The following LRP1B variants were observed in gnomAD, a reference collection of about 807,000 sequenced individuals.
LRP1B encodes low-density lipoprotein receptor-related protein 1B.
A neutral mutation model predicts 556.6 loss-of-function variants in LRP1B; 217 were observed. The observed-to-expected ratio is 0.39, with a 90% confidence interval of 0.35 to 0.44. LRP1B has a LOEUF of 0.44. LRP1B is among the 20% of genes least tolerant of loss of function. LRP1B has a pLI of 1.00. For missense variants in LRP1B, 5,053 were observed against 5,620.8 expected, an observed-to-expected ratio of 0.90 and a Z score of 3.23; for synonymous variants, 2,047 against 1,865.8, an observed-to-expected ratio of 1.10 and a Z score of -2.50.
intron 2 of LRP1B, among the ~76,000 whole-genome samples, chr2:141,573,457 A>T (rs1686609174): frequency 6.6e-6 from 1 of 152,176 alleles, no homozygotes; most frequent in Non-Finnish European, 1.5e-5. Flanking sequence ...GTTAGGAGGG[A>T]AATTTATAGC....
chr2:141,997,469 A>T (rs1323966694), intron 1 of LRP1B, among the ~76,000 whole-genome samples: 1 of 139,394 alleles, frequency 7.2e-6, no homozygotes, highest in Non-Finnish European at 1.6e-5. Flanking sequence ...ACACACACAC[A>T]CTGTAGAACA....
rs200173266 is a variant in LRP1B at position 142,056,543 on chromosome 2, A to G, written c.82+74105T>C. 8.5e-5 allele frequency among the ~76,000 whole-genome samples: 13 copies of G among 152,234 alleles called. No homozygotes were observed. In the East Asian group the frequency reaches 2.5e-3, roughly 30 times the overall value. The stretch of plus-strand genomic sequence containing the variant: ...CTCTGAGGCTGGCTGGATGTAATAC[A>G]AAGACATATAAGCTTTATTCTGGAC... On this transcript the variant is annotated intron_variant, in intron 1 of 90. Transcript: ENST00000389484.
intron 55 of LRP1B, 94 bp from the exon 56 acceptor site, chr2:140,495,842 G>A (rs1688902413): frequency 1.1e-6 from 1 of 941,208 alleles, no homozygotes; most frequent in Non-Finnish European, 1.6e-6. Flanking sequence ...AAAAGCATTT[G>A]AAAATAGATA....
At chr2:140,867,991 C>T (rs969034218) in intron 26 of LRP1B, 108 bp downstream of exon 26, 2 of 1,312,158 alleles carry the variant, frequency 1.5e-6, no homozygotes, top group Non-Finnish European at 2.0e-6. Context: ...AATACACCTC[C>T]AATTTTAATA....
intron 66 of LRP1B, among the ~76,000 whole-genome samples, chr2:140,396,389 A>G (rs1015462260): frequency 1.3e-5 from 2 of 152,200 alleles, no homozygotes; most frequent in African/African-American, 4.8e-5. Flanking sequence ...CAGAACCACC[A>G]TACAATTGCT....
At chr2:141,976,647 A>G (rs577592341) in intron 1 of LRP1B, among the ~76,000 whole-genome samples, 2 of 152,138 alleles carry the variant, frequency 1.3e-5, no homozygotes, top group Non-Finnish European at 2.9e-5. Flanking sequence ...TTCACCATTT[A>G]CCACTACCTC....
At chr2:140,834,410 T>C (rs1691827429) in intron 31 of LRP1B, among the ~76,000 whole-genome samples, 1 of 152,206 alleles carries the variant, frequency 6.6e-6, no homozygotes, top group African/African-American at 2.4e-5. Flanking sequence ...CAGCTAATTT[T>C]TGTATTTTCA....
In LRP1B at chr2:140,698,558, A is replaced by G. The variant is rs531653791; in HGVS notation, c.6799+1692T>C. Among the ~76,000 whole-genome samples, 15 of 152,176 alleles carry G rather than the reference A, an allele frequency of 9.9e-5. No homozygotes were observed. In the South Asian group the frequency reaches 2.7e-3, roughly 27 times the overall value. ...TACTAAAAGACAGCTGGATTCTCCT[A>G]TCTGCCTCTTTATCCTCTCATTGTG... On this transcript the variant is annotated intron_variant, in intron 41 of 90. Transcript: ENST00000389484.
chr2:141,437,325 A>C lies in LRP1B; in HGVS notation c.343+43071T>G, dbSNP rs145589985. On this transcript the variant is annotated intron_variant, in intron 3 of 90. Transcript: ENST00000389484. ...GACTGGTGGACAAATAAAAGTACCGAAGGAAGGAAAATATTTTTTATTATA... is the reference window on the plus strand; with the variant it reads ...GACTGGTGGACAAATAAAAGTACCGCAGGAAGGAAAATATTTTTTATTATA... Among the ~76,000 whole-genome samples the C allele has an allele frequency of 3.5e-4, 54 of 152,180 alleles. No individual in the cohort carries two copies. In the East Asian group the frequency reaches 9.5e-3, roughly 27 times the overall value.
intron 5 of LRP1B, among the ~76,000 whole-genome samples, chr2:141,230,489 GGTCAGTTCTTCACTCA>G (rs1252144150): frequency 6.6e-6 from 1 of 152,124 alleles, no homozygotes; most frequent in Non-Finnish European, 1.5e-5. Context: ...AGGCAGATAA[GGTCAGTTCTTCACTCA>G]GTCCCTCAAA....
intron 2 of LRP1B, among the ~76,000 whole-genome samples, chr2:141,563,724 C>T (rs564718424): frequency 2.0e-5 from 3 of 152,108 alleles, no homozygotes; most frequent in African/African-American, 7.2e-5. Flanking sequence ...TCCTTTGCAG[C>T]AACATGGTTG....
intron 65 of LRP1B, among the ~76,000 whole-genome samples, chr2:140,442,962 A>C (rs1369624734): frequency 6.6e-6 from 1 of 152,228 alleles, no homozygotes; most frequent in African/African-American, 2.4e-5. Context: ...ATAAGAATTC[A>C]TAGGTATACA....
chr2:141,940,304 T>C (rs2105012982), intron 1 of LRP1B, among the ~76,000 whole-genome samples: 1 of 152,292 alleles, frequency 6.6e-6, no homozygotes, highest in African/African-American at 2.4e-5. Context: ...TAAGAGTTAA[T>C]ATTTTATTAA....
At chr2:141,977,714 G>A (rs1363385755) in intron 1 of LRP1B, among the ~76,000 whole-genome samples, 1 of 152,108 alleles carries the variant, frequency 6.6e-6, no homozygotes, top group Non-Finnish European at 1.5e-5. Context: ...ATCCTAATAT[G>A]TTTCAAAAAG....
intron 27 of LRP1B, among the ~76,000 whole-genome samples, chr2:140,861,101 T>C (rs894769970): frequency 3.9e-5 from 6 of 152,144 alleles, no homozygotes; most frequent in South Asian, 2.1e-4. Flanking sequence ...AGGTATCTTC[T>C]AACTGCCTAA....
chr2:141,984,759 C>G (rs571245689), intron 1 of LRP1B, among the ~76,000 whole-genome samples: 7 of 152,226 alleles, frequency 4.6e-5, no homozygotes, highest in Non-Finnish European at 1.0e-4. Context: ...CACTCTAATA[C>G]ACTTTACCCA....
At chr2:141,102,851 T>C (rs1035265502) in intron 7 of LRP1B, among the ~76,000 whole-genome samples, 2 of 152,088 alleles carry the variant, frequency 1.3e-5, no homozygotes, top group Non-Finnish European at 2.9e-5. Flanking sequence ...AATATGATAA[T>C]AAAAATTCTT....
intron 1 of LRP1B, among the ~76,000 whole-genome samples, chr2:142,025,574 T>A (rs16847942): frequency 6.6e-6 from 1 of 152,030 alleles, no homozygotes; most frequent in Admixed American, 6.6e-5. Context: ...TGTCAGCAAA[T>A]AACAGAACAA....
chr2:141,729,949 G>A (rs1693207884), intron 2 of LRP1B, among the ~76,000 whole-genome samples: 3 of 152,098 alleles, frequency 2.0e-5, no homozygotes. Context: ...CACAGAATAA[G>A]CAGAAAGGTC....
Sources: allele counts gnomAD v4.1 joint callset (sites outside exome capture counted in the v4.1 genomes callset), GRCh38; gene constraint gnomAD v4.1.1; transcripts MANE v1.5; gene names NCBI Gene and HGNC (gene_info 2026-07-23, HGNC 2026-07-21).